Variants in IQCJ observed in about 807,000 individuals in gnomAD.
The protein encoded by IQCJ is IQ motif containing J, also known as IQ domain-containing protein J.
Under a neutral mutation model 11.0 loss-of-function variants are expected in IQCJ, and 9 were observed. The observed-to-expected ratio is 0.82, with a 90% CI of 0.49 to 1.43. IQCJ has a LOEUF of 1.43. Ranked by LOEUF, IQCJ falls within the 40% of genes most tolerant of loss-of-function variation. The pLI, the probability that IQCJ is intolerant of heterozygous loss-of-function variation, is 0.00. For synonymous variants in IQCJ, 55 were observed against 51.3 expected, an observed-to-expected ratio of 1.07 and a Z score of -0.31; for missense variants, 146 against 133.2, an observed-to-expected ratio of 1.10 and a Z score of -0.47.
At chr3:159,245,933 C>T in intron 2 of IQCJ, 26 bp downstream of exon 2, 1 of 1,486,558 alleles carries the variant, frequency 6.7e-7, no homozygotes, top group Non-Finnish European at 9.1e-7. Flanking sequence ...TAAGTTAAAT[C>T]ATCTGCAAGG....
At position 159,195,486 on chromosome 3, in the gene IQCJ, G is replaced by A. The variant is rs143242277; in HGVS notation, c.10-50357G>A. 3.1e-3 allele frequency among the ~76,000 whole-genome samples: 477 copies of A among 152,330 alleles called. 1 individual carries two copies. Among genetic ancestry groups the A allele is most frequent in the African/African-American group, 0.011 (453 of 41,564 alleles). ...AGGGAGGACTGGGCCTCTTCTGTAA[G>A]CTTAAATGGTTCAGTGTGATCTGGA... On this transcript the variant is annotated intron_variant, in intron 1 of 3. Coordinates refer to ENST00000397832, the MANE Select transcript of IQCJ (RefSeq NM_001042706.3).
At chr3:159,254,724 C>T (rs1727793683) in intron 3 of IQCJ, among the ~76,000 whole-genome samples, 2 of 152,110 alleles carry the variant, frequency 1.3e-5, no homozygotes, top group Admixed American at 6.6e-5. Context: ...TTCTCCCTTC[C>T]CTCCTTCTCC....
chr3:159,083,512 G>A (rs182490070), intron 1 of IQCJ, among the ~76,000 whole-genome samples: 50 of 152,236 alleles, frequency 3.3e-4, no homozygotes, highest in Non-Finnish European at 6.2e-4. Context: ...ACACTGGTGA[G>A]AATATAATGT....
chr3:159,168,818 A>G (rs1032425394), intron 1 of IQCJ, among the ~76,000 whole-genome samples: 1 of 151,796 alleles, frequency 6.6e-6, no homozygotes, highest in South Asian at 2.1e-4. Flanking sequence ...TAAAAAAAAA[A>G]CCCAAAGAAC....
At chr3:159,211,313 C>T (rs1452148630) in intron 1 of IQCJ, among the ~76,000 whole-genome samples, 2 of 152,120 alleles carry the variant, frequency 1.3e-5, no homozygotes, top group Non-Finnish European at 2.9e-5. Context: ...TAAAATTATC[C>T]TAGCCAACTT....
intron 1 of IQCJ, among the ~76,000 whole-genome samples, chr3:159,236,890 T>C (rs1726626749): frequency 6.6e-6 from 1 of 152,202 alleles, no homozygotes; most frequent in African/African-American, 2.4e-5. Context: ...AGCCTGGTAA[T>C]ATATAATGAA....
chr3:159,197,325 TC>T (rs1724045653), intron 1 of IQCJ, among the ~76,000 whole-genome samples: 1 of 152,166 alleles, frequency 6.6e-6, no homozygotes. Context: ...CCCACATCTG[TC>T]ATTTCTCCAT....
intron 1 of IQCJ, among the ~76,000 whole-genome samples, chr3:159,140,855 T>C (rs1207123419): frequency 6.6e-6 from 1 of 152,198 alleles, no homozygotes; most frequent in African/African-American, 2.4e-5. Context: ...GTCTCACAGA[T>C]GCATGCTACG....
At chr3:159,110,443 C>T (rs1718553920) in intron 1 of IQCJ, among the ~76,000 whole-genome samples, 1 of 152,202 alleles carries the variant, frequency 6.6e-6, no homozygotes, top group African/African-American at 2.4e-5. Context: ...TTCCTTCCAG[C>T]AAACTCCTTT....
intron 3 of IQCJ, among the ~76,000 whole-genome samples, chr3:159,260,950 G>T (rs1728168636): frequency 6.6e-6 from 1 of 152,132 alleles, no homozygotes; most frequent in Admixed American, 6.5e-5. Flanking sequence ...CAGGGAATTG[G>T]CTACTGACCC....
chr3:159,203,971 T>G (rs1447459038), intron 1 of IQCJ, among the ~76,000 whole-genome samples: 4 of 152,134 alleles, frequency 2.6e-5, no homozygotes, highest in Non-Finnish European at 5.9e-5. Flanking sequence ...CAGGGTCAGT[T>G]CTCTGTAGCT....
intron 3 of IQCJ, among the ~76,000 whole-genome samples, chr3:159,260,234 C>A (rs1728123181): frequency 6.6e-6 from 1 of 152,010 alleles, no homozygotes; most frequent in South Asian, 2.1e-4. Context: ...TTATTTGGTT[C>A]TTTAGAGGTG....
intron 1 of IQCJ, among the ~76,000 whole-genome samples, chr3:159,152,793 G>T (rs1166999694): frequency 1.3e-5 from 2 of 152,150 alleles, no homozygotes. Flanking sequence ...TGTAACAATA[G>T]ATTCAGTGAA....
At chr3:159,222,453 C>A (rs1725606428) in intron 1 of IQCJ, among the ~76,000 whole-genome samples, 1 of 152,108 alleles carries the variant, frequency 6.6e-6, no homozygotes, top group East Asian at 1.9e-4. Flanking sequence ...CATAATGTAA[C>A]TTCTGCAGGT....
intron 1 of IQCJ, among the ~76,000 whole-genome samples, chr3:159,159,908 T>A (rs1021123425): frequency 6.6e-6 from 1 of 152,092 alleles, no homozygotes; most frequent in African/African-American, 2.4e-5. Flanking sequence ...GATTGTAAAC[T>A]TCCTGAGGCC....
At chr3:159,253,895 C>G (rs140230668) in intron 3 of IQCJ, among the ~76,000 whole-genome samples, 90 of 152,254 alleles carry the variant, frequency 5.9e-4, no homozygotes, top group Admixed American at 1.2e-3. Flanking sequence ...CCAATACATA[C>G]CCCTGTAAAT....
intron 1 of IQCJ, among the ~76,000 whole-genome samples, chr3:159,169,795 T>C (rs1163867297): frequency 1.3e-5 from 2 of 152,180 alleles, no homozygotes; most frequent in African/African-American, 4.8e-5. Flanking sequence ...GAGGCAGCAC[T>C]GCAAGAGGGT....
At position 159,245,856 on chromosome 3, in the gene IQCJ, G is replaced by T. The variant is rs541361441; in HGVS notation, c.23G>T (p.Arg8Ile). 2.6e-6 allele frequency: 4 copies of T among 1,547,104 alleles called. No homozygotes were observed. The highest frequency in any genetic ancestry group is 2.6e-6 in the Non-Finnish European group (3 of 1,141,470). Residue 8 changes from arginine (R) to isoleucine (I), a missense_variant, in exon 2 of 4, where the codon AGA (arginine) becomes ATA (isoleucine). Physicochemically the swap from Arg to Ile is moderately conservative, Grantham distance 97. Transcript: ENST00000397832. MRLEELKRLQNPLEQVND... is the reference protein window; with the variant it reads MRLEELKILQNPLEQVND... ...TCTTTTTCACAGGAAGAACTGAAAA[G>T]ATTGCAGAATCCTCTAGAACAAGTT...
intron 1 of IQCJ, among the ~76,000 whole-genome samples, chr3:159,227,649 T>C (rs1013048973): frequency 1.3e-5 from 2 of 152,230 alleles, no homozygotes; most frequent in African/African-American, 4.8e-5. Context: ...GAGCATATTG[T>C]ACGCATCACA....
Sources: allele counts gnomAD v4.1 joint callset (sites outside exome capture counted in the v4.1 genomes callset), GRCh38; gene constraint gnomAD v4.1.1; transcripts MANE v1.5; gene names NCBI Gene and HGNC (gene_info 2026-07-23, HGNC 2026-07-21).